The following OR56A3 variants were observed in gnomAD, a reference collection of about 807,000 sequenced individuals.
OR56A3 encodes olfactory receptor family 56 subfamily A member 3, also known as olfactory receptor 56A3.
OR56A3 carries 23 observed loss-of-function variants against 17.5 expected under a neutral mutation model. That is an observed-to-expected ratio of 1.32 (90% CI 0.95 to 1.87). The LOEUF (loss-of-function observed/expected upper bound fraction) is 1.87. Among genes scored for constraint, OR56A3 ranks in the 40% most tolerant of loss-of-function variants. The pLI is 0.00. For missense variants in OR56A3, 366 were observed against 380.1 expected (o/e 0.96, Z 0.31); for synonymous variants, 175 against 150.6 (o/e 1.16, Z -1.19).
chr11:5,967,513 A>G, the OR56A3 span: 10 of 1,338,880 alleles, frequency 7.5e-6, no homozygotes, highest in Middle Eastern at 1.9e-4. Flanking sequence ...CTCCAATATC[A>G]ATTTCTGTTT....
chr11:5,952,546 CA>C (rs1184407741), downstream of OR56A3, among the ~76,000 whole-genome samples: 1 of 149,356 alleles, frequency 6.7e-6, no homozygotes, highest in South Asian at 2.1e-4. Context: ...ATTTTAGATT[CA>C]GGGGGTACAT....
the OR56A3 span, among the ~76,000 whole-genome samples, chr11:6,013,516 C>A: frequency 1.6e-4 from 24 of 152,294 alleles, no homozygotes; most frequent in African/African-American, 4.8e-4. Flanking sequence ...CACAGAGCAT[C>A]TTCCTGAGGT....
chr11:5,976,415 C>T, the OR56A3 span, among the ~76,000 whole-genome samples: 45 of 152,026 alleles, frequency 3.0e-4, no homozygotes, highest in Non-Finnish European at 5.1e-4. Flanking sequence ...TCTTTCCTTA[C>T]GGTGTTTGGT....
the OR56A3 span, among the ~76,000 whole-genome samples, chr11:5,977,380 C>A: frequency 6.6e-6 from 1 of 152,018 alleles, no homozygotes; most frequent in Non-Finnish European, 1.5e-5. Context: ...CTATCTGTTA[C>A]TTTTTGGCTT....
chr11:5,966,431 A>G, the OR56A3 span, among the ~76,000 whole-genome samples: 1 of 152,118 alleles, frequency 6.6e-6, no homozygotes, highest in African/African-American at 2.4e-5. Flanking sequence ...AAGTCTTCCA[A>G]GAATAATTTG....
chr11:5,976,336 GA>G, the OR56A3 span, among the ~76,000 whole-genome samples: 1 of 152,042 alleles, frequency 6.6e-6, no homozygotes, highest in African/African-American at 2.4e-5. Flanking sequence ...AAAAGAAAGG[GA>G]AAATAAAAGA....
the OR56A3 span, among the ~76,000 whole-genome samples, chr11:5,981,470 T>C: frequency 6.6e-6 from 1 of 152,254 alleles, no homozygotes; most frequent in African/African-American, 2.4e-5. Context: ...TATTTCTAAT[T>C]GTACTACAAA....
chr11:6,002,825 G>T, the OR56A3 span: 5 of 1,613,900 alleles, frequency 3.1e-6, no homozygotes, highest in Admixed American at 6.7e-5. Flanking sequence ...GGTGCAGAGA[G>T]GCCTCCAGCT....
chr11:6,006,214 G>A, the OR56A3 span: 1 of 152,124 alleles, frequency 6.6e-6, no homozygotes, highest in Admixed American at 6.5e-5. Context: ...ATTCTTCCAG[G>A]TAATAATATA....
the OR56A3 span, among the ~76,000 whole-genome samples, chr11:6,010,876 T>C: frequency 6.6e-6 from 1 of 151,952 alleles, no homozygotes; most frequent in African/African-American, 2.4e-5. Context: ...AGTGGTTTCT[T>C]TTGTCTGCCC....
At chr11:5,986,181 C>T in the OR56A3 span, 2 of 1,613,866 alleles carry the variant, frequency 1.2e-6, no homozygotes, top group Non-Finnish European at 1.7e-6. Context: ...TAAGTCGGGC[C>T]TCACTCCCTG....
the OR56A3 span, among the ~76,000 whole-genome samples, chr11:5,956,774 ATAT>A: frequency 6.6e-6 from 1 of 152,164 alleles, no homozygotes; most frequent in Non-Finnish European, 1.5e-5. Context: ...ACTTTCTGAA[ATAT>A]TGTACCTGCA....
chr11:5,989,740 C>T, the OR56A3 span, among the ~76,000 whole-genome samples: 1 of 152,202 alleles, frequency 6.6e-6, no homozygotes, highest in Non-Finnish European at 1.5e-5. Context: ...ACAATTCATC[C>T]ATGTAACCAA....
chr11:5,986,817 T>G, the OR56A3 span: 2 of 1,613,972 alleles, frequency 1.2e-6, no homozygotes, highest in Non-Finnish European at 1.7e-6. Flanking sequence ...GGCTTTCCTC[T>G]AAACCTGGAA....
At chr11:6,016,133 A>G in the OR56A3 span, among the ~76,000 whole-genome samples, 1 of 152,106 alleles carries the variant, frequency 6.6e-6, no homozygotes, top group Non-Finnish European at 1.5e-5. Context: ...TTCTCATGAT[A>G]GTAAATATTA....
the OR56A3 span, chr11:5,967,855 G>A: frequency 1.3e-6 from 2 of 1,569,266 alleles, no homozygotes; most frequent in East Asian, 2.3e-5. Flanking sequence ...ATAAGGATGA[G>A]GTCAGAGCCC....
At chr11:5,994,947 C>T in the OR56A3 span, 4 of 741,672 alleles carry the variant, frequency 5.4e-6, no homozygotes, top group African/African-American at 5.2e-5. Flanking sequence ...CCCATTCCTG[C>T]CAGACCCCCG....
At chr11:5,985,107 T>A in the OR56A3 span, among the ~76,000 whole-genome samples, 41 of 152,246 alleles carry the variant, frequency 2.7e-4, no homozygotes, top group Non-Finnish European at 5.9e-4. Flanking sequence ...CTACTATACT[T>A]ATTGCTTTAT....
At position 5,947,433 on chromosome 11, in the gene OR56A3, C is replaced by G. The variant is rs1847876753; in HGVS notation, c.87C>G (p.His29Gln). Residue 29 changes from histidine (H) to glutamine (Q), a missense_variant, in exon 3 of 3, where the codon CAC becomes CAG. Transcript: ENST00000641160. ...NCFVRSPSWQ[H>Q]WLSLPLSLLF... is the part of the protein sequence containing the mutation. Reference sequence around the variant, plus strand: ...TTGTCAGATCCCCCAGCTGGCAGCACTGGCTGTCCCTGCCCCTCAGCCTCC... The same window carrying G: ...TTGTCAGATCCCCCAGCTGGCAGCAGTGGCTGTCCCTGCCCCTCAGCCTCC... The G allele has an allele frequency of 6.2e-7, 1 of 1,614,118 alleles. No individual in the cohort carries two copies. The highest frequency in any genetic ancestry group is 8.5e-7 in the Non-Finnish European group (1 of 1,180,044).
Sources: allele counts gnomAD v4.1 joint callset (sites outside exome capture counted in the v4.1 genomes callset), GRCh38; gene constraint gnomAD v4.1.1; transcripts MANE v1.5; gene names NCBI Gene and HGNC (gene_info 2026-07-23, HGNC 2026-07-21).